XRCC6: variants seen among roughly 807,000 people sequenced by gnomAD.
XRCC6 encodes DNA repair protein Ku70.
XRCC6 carries 5 observed loss-of-function variants against 65.7 expected under a neutral mutation model. The observed-to-expected ratio is 0.08, with a 90% CI of 0.04 to 0.16. The LOEUF is 0.16. Ranked by LOEUF, XRCC6 falls within the 10% of genes least tolerant of loss-of-function variation. The probability of loss-of-function intolerance (pLI) is 1.00; values close to 1 mark genes in which losing one functional copy is unlikely to be tolerated. For missense variants in XRCC6, 447 were observed against 738.1 expected, an observed-to-expected ratio of 0.61 and a Z score of 4.57; for synonymous variants, 270 against 270.6, an observed-to-expected ratio of 1.00 and a Z score of 0.02.
At chr22:41,645,184 C>T (rs2067918455) in intron 6 of XRCC6, among the ~76,000 whole-genome samples, 1 of 151,678 alleles carries the variant, frequency 6.6e-6, no homozygotes, top group Non-Finnish European at 1.5e-5. Flanking sequence ...GCCTGTAATC[C>T]CAGCTACTCG....
At chr22:41,661,468 T>C (rs1601559957) in intron 12 of XRCC6, 24 bp downstream of exon 12, 2 of 1,599,636 alleles carry the variant, frequency 1.3e-6, no homozygotes, top group African/African-American at 2.7e-5. Context: ...TGTGGACATG[T>C]GGGCTATTTT....
At position 41,656,892 on chromosome 22, in the gene XRCC6, C is replaced by G. The variant is rs1333136800; in HGVS notation, c.1292-11C>G. 2.5e-6 allele frequency: 4 copies of G among 1,612,346 alleles called. No individual in the cohort carries two copies. The highest frequency in any genetic ancestry group is 1.1e-5 in the South Asian group (1 of 90,938). On this transcript the variant is annotated splice_polypyrimidine_tract_variant and intron_variant, in intron 9 of 12. Coordinates refer to ENST00000360079, the MANE Select transcript of XRCC6 (RefSeq NM_001469.5). ...AAGTCAAATCAAAGAAAATTTATCT[C>G]CTTTCTTCAGGCTTCCAGCTGGTCT...
At chr22:41,658,455 T>A in intron 11 of XRCC6, 103 bp downstream of exon 11, 1 of 1,055,246 alleles carries the variant, frequency 9.5e-7, no homozygotes, top group Non-Finnish European at 1.4e-6. Context: ...TCTAAACACT[T>A]AACCTCATTC....
At chr22:41,628,819 A>G (rs2067707174) in intron 3 of XRCC6, among the ~76,000 whole-genome samples, 1 of 151,758 alleles carries the variant, frequency 6.6e-6, no homozygotes, top group African/African-American at 2.4e-5. Context: ...AAAAATAATT[A>G]GCCAGGCATG....
chr22:41,637,786 C>A lies in XRCC6; in HGVS notation c.768C>A (p.Leu256=). 1.2e-6 allele frequency: 2 copies of A among 1,613,638 alleles called. No homozygotes were observed. The highest frequency in any genetic ancestry group is 2.2e-5 in the East Asian group (1 of 44,866). Residue 256 remains leucine, a synonymous_variant, in exon 6 of 13, where the codon CTC becomes CTA. Coordinates refer to ENST00000360079, the MANE Select transcript of XRCC6 (RefSeq NM_001469.5). Reference sequence around the variant, plus strand: ...CCAAGGAGACCAGGAAGCGAGCACTCAGCAGGTGTGCACTCAGCCCGGGTC... The same window carrying A: ...CCAAGGAGACCAGGAAGCGAGCACTAAGCAGGTGTGCACTCAGCCCGGGTC... The part of the protein sequence containing the change: ...VRAKETRKRA[L]SRLKLKLNKD...
chr22:41,650,255 C>T (rs545362520), intron 7 of XRCC6, among the ~76,000 whole-genome samples: 25 of 151,776 alleles, frequency 1.6e-4, no homozygotes, highest in African/African-American at 5.3e-4. Flanking sequence ...CAGGTGTGTA[C>T]CACTATACCG....
chr22:41,636,258 A>G lies in XRCC6; in HGVS notation c.334+7A>G. 2 of 1,580,146 alleles carry G rather than the reference A, an allele frequency of 1.3e-6. No homozygotes were observed. Among genetic ancestry groups the G allele is most frequent in the Non-Finnish European group, 8.6e-7 (1 of 1,169,352 alleles). ...CAGGAGCTGGATAATCCAGGTCAGTAATATTTTAAGATCAGCTTTTCCCTT... is the reference window on the plus strand; with the variant it reads ...CAGGAGCTGGATAATCCAGGTCAGTGATATTTTAAGATCAGCTTTTCCCTT... On this transcript the variant is annotated splice_region_variant and intron_variant, in intron 4 of 12. Transcript: ENST00000360079.
chr22:41,622,436 A>G (rs1413898114), intron 2 of XRCC6, among the ~76,000 whole-genome samples: 1 of 152,078 alleles, frequency 6.6e-6, no homozygotes, highest in Non-Finnish European at 1.5e-5. Flanking sequence ...AAATGCCCCC[A>G]CCCTGCAATA....
chr22:41,658,105 T>C, intron 10 of XRCC6, 147 bp from the exon 11 acceptor site: 2 of 696,890 alleles, frequency 2.9e-6, no homozygotes, highest in Non-Finnish European at 4.9e-6. Context: ...ATTACAGGCA[T>C]GGGCTACTGC....
At chr22:41,659,270 A>C (rs879866892) in intron 11 of XRCC6, among the ~76,000 whole-genome samples, 1 of 152,136 alleles carries the variant, frequency 6.6e-6, no homozygotes, top group Non-Finnish European at 1.5e-5. Flanking sequence ...GTTTTGAGCT[A>C]AACAGCCCAT....
Position 41,637,716 on chromosome 22 carries a change from T to G in XRCC6, c.698T>G (p.Phe233Cys). 6.2e-7 allele frequency: 1 copy of G among 1,613,972 alleles called. No homozygotes were observed. The highest frequency in any genetic ancestry group is 8.5e-7 in the Non-Finnish European group (1 of 1,179,966). ...GAGGATGAGGACCTCAGGGTTCACTTTGAGGAATCCAGCAAGCTAGAAGAC... is the reference window on the plus strand; with the variant it reads ...GAGGATGAGGACCTCAGGGTTCACTGTGAGGAATCCAGCAAGCTAGAAGAC... ...IAEDEDLRVH[F>C]EESSKLEDLL... Residue 233 changes from phenylalanine to cysteine, a missense_variant, in exon 6 of 13, where the codon TTT (phenylalanine) becomes TGT (cysteine). This residue lies in a region of XRCC6 where 228 missense variants were observed against 307.4 expected (regional missense o/e 0.74). Transcript: ENST00000360079.
intron 1 of XRCC6, chr22:41,621,669 G>C (rs907143897): frequency 3.5e-6 from 1 of 282,970 alleles, no homozygotes; most frequent in African/African-American, 2.2e-5. Flanking sequence ...AGGACGAGGG[G>C]GTCCGTTAGT....
rs1018358872 is a variant in XRCC6 at position 41,621,845 on chromosome 22, C to T, written c.-15-145C>T. 30 of 702,940 alleles carry T rather than the reference C, an allele frequency of 4.3e-5. No homozygotes were observed. In the African/African-American group the frequency reaches 4.8e-4, roughly 11 times the overall value. The allele number at this position is 702,940 out of a possible 1,614,324, so 43.5% of individuals were successfully genotyped here. A position where few individuals can be genotyped will look rare whatever the true frequency, so the allele number is the denominator to read the frequency against. ...CCATGCGCATTTACATGCAGTCCGA[C>T]TGCCGAGCTTTCGAGGCAGCAGGAT... On this transcript the variant is annotated intron_variant, in intron 1 of 12. Transcript: ENST00000360079.
intron 6 of XRCC6, among the ~76,000 whole-genome samples, chr22:41,638,802 A>C (rs369225353): frequency 6.6e-6 from 1 of 151,638 alleles, no homozygotes; most frequent in African/African-American, 2.4e-5. Flanking sequence ...AAAAAAAGAA[A>C]TATGGTATAA....
chr22:41,636,170 G>T lies in XRCC6; in HGVS notation c.253G>T (p.Val85Leu), dbSNP rs370335839. The T allele has an allele frequency of 6.2e-7, 1 of 1,607,852 alleles. No homozygotes were observed. Among genetic ancestry groups the T allele is most frequent in the Non-Finnish European group, 8.5e-7 (1 of 1,178,878 alleles). ...IISSDRDLLA[V>L]VFYGTEKDKN... The stretch of plus-strand genomic sequence containing the variant: ...AAGCAGTGATCGAGATCTCTTGGCT[G>T]TGGTGTTCTATGGTACCGAGAAAGA... Residue 85 changes from valine to leucine, a missense_variant, in exon 4 of 13, where the codon GTG becomes TTG. Physicochemically the swap from Val to Leu is conservative, Grantham distance 32. Around this residue, in one of 4 missense-constraint regions of XRCC6, gnomAD observed 228 missense variants for 307.4 expected, o/e 0.74. Transcript: ENST00000360079.
At chr22:41,622,705 C>T (rs1044634397) in intron 2 of XRCC6, among the ~76,000 whole-genome samples, 4 of 152,144 alleles carry the variant, frequency 2.6e-5, no homozygotes, top group Admixed American at 1.3e-4. Context: ...CTTTGGGAGG[C>T]CGAGGCGGGC....
chr22:41,626,891 C>T (rs1425183199), intron 2 of XRCC6, among the ~76,000 whole-genome samples: 15 of 152,138 alleles, frequency 9.9e-5, no homozygotes, highest in Middle Eastern at 3.4e-3. Flanking sequence ...CCGCGCGCCT[C>T]GGCCTCCCAA....
At chr22:41,633,039 A>C (rs546074898) in intron 3 of XRCC6, among the ~76,000 whole-genome samples, 1,654 of 152,116 alleles carry the variant, frequency 0.011, 19 homozygotes, top group South Asian at 0.025. Context: ...AGGCAGGAGA[A>C]TCGCTTGCAC....
At chr22:41,641,939 A>T (rs978708381) in intron 6 of XRCC6, among the ~76,000 whole-genome samples, 1 of 152,022 alleles carries the variant, frequency 6.6e-6, no homozygotes, top group Non-Finnish European at 1.5e-5. Flanking sequence ...ACAGGCATGC[A>T]CCACCACGCC....
Sources: allele counts gnomAD v4.1 joint callset (sites outside exome capture counted in the v4.1 genomes callset), GRCh38; gene constraint gnomAD v4.1.1; regional missense constraint gnomAD v4.1.1; transcripts MANE v1.5; gene names NCBI Gene and HGNC (gene_info 2026-07-23, HGNC 2026-07-21).